The following CCBE1 variants were observed in gnomAD, a reference collection of about 807,000 sequenced individuals.
CCBE1 encodes collagen and calcium binding EGF domains 1, also known as collagen and calcium-binding EGF domain-containing protein 1.
In CCBE1, 37 loss-of-function variants were observed where a neutral mutation model predicts 50.0. That is an observed-to-expected ratio of 0.74 (90% confidence interval 0.57 to 0.97). The LOEUF is 0.97. Among genes scored for constraint, CCBE1 ranks in the 50% least tolerant of loss-of-function variants. The pLI is 0.00. For synonymous variants in CCBE1, 234 were observed against 203.7 expected (o/e 1.15, Z -1.27); for missense variants, 538 against 523.8 (o/e 1.03, Z -0.26).
At chr18:59,485,278 G>C (rs142824950) in intron 2 of CCBE1, among the ~76,000 whole-genome samples, 1 of 152,228 alleles carries the variant, frequency 6.6e-6, no homozygotes, top group East Asian at 1.9e-4. Context: ...ATAAATAAAA[G>C]TCGTGCAGGC....
intron 2 of CCBE1, among the ~76,000 whole-genome samples, chr18:59,611,210 A>G (rs2053564574): frequency 6.6e-6 from 1 of 152,236 alleles, no homozygotes; most frequent in African/African-American, 2.4e-5. Flanking sequence ...TAATTTATTA[A>G]GTATCACTCA....
In CCBE1 at chr18:59,439,593, G is replaced by A; in HGVS notation, c.916-15C>T. The A allele has an allele frequency of 1.2e-6, 2 of 1,614,234 alleles. No homozygotes were observed. Among genetic ancestry groups the A allele is most frequent in the Non-Finnish European group, 1.7e-6 (2 of 1,180,042 alleles). On this transcript the variant is annotated splice_polypyrimidine_tract_variant and intron_variant, in intron 8 of 10. Transcript: ENST00000439986. ...CCTGGTGGACCCTGTAATACAAAAG[G>A]ATCTGGTTTAACCACAGGCAAAAGC...
chr18:59,543,972 AAC>A (rs2144392153), intron 2 of CCBE1, among the ~76,000 whole-genome samples: 1 of 152,306 alleles, frequency 6.6e-6, no homozygotes, highest in South Asian at 2.1e-4. Context: ...TCAAATTTCA[AAC>A]ACACGTATTC....
chr18:59,455,222 T>C (rs1012219334), intron 5 of CCBE1: 7 of 533,664 alleles, frequency 1.3e-5, no homozygotes, highest in African/African-American at 5.7e-5. Context: ...CTTCCTTTCA[T>C]GTGTGAAAAT....
chr18:59,509,067 G>A (rs933543910), intron 2 of CCBE1, among the ~76,000 whole-genome samples: 35 of 152,086 alleles, frequency 2.3e-4, no homozygotes, highest in Non-Finnish European at 4.0e-4. Flanking sequence ...TGCTGGTTCT[G>A]AGAGCAAGCA....
At chr18:59,520,015 C>G (rs1914532816) in intron 2 of CCBE1, among the ~76,000 whole-genome samples, 1 of 152,176 alleles carries the variant, frequency 6.6e-6, no homozygotes, top group South Asian at 2.1e-4. Context: ...GGCCTCTGCT[C>G]TGTTCCATTT....
At chr18:59,480,513 T>C (rs1031295277) in intron 2 of CCBE1, among the ~76,000 whole-genome samples, 4 of 152,288 alleles carry the variant, frequency 2.6e-5, no homozygotes, top group African/African-American at 9.6e-5. Context: ...GACTTCAAGA[T>C]ACTTATATTA....
At chr18:59,508,050 C>T (rs1259486694) in intron 2 of CCBE1, among the ~76,000 whole-genome samples, 2 of 151,982 alleles carry the variant, frequency 1.3e-5, no homozygotes, top group South Asian at 2.1e-4. Flanking sequence ...AAGCACCACA[C>T]CCAGCTAAAT....
chr18:59,531,623 C>G (rs1489815422), intron 2 of CCBE1, among the ~76,000 whole-genome samples: 2 of 152,102 alleles, frequency 1.3e-5, no homozygotes, highest in African/African-American at 2.4e-5. Flanking sequence ...AGGTACATGT[C>G]TTTCGTCCCA....
At chr18:59,527,918 CT>C (rs1914893261) in intron 2 of CCBE1, among the ~76,000 whole-genome samples, 1 of 152,058 alleles carries the variant, frequency 6.6e-6, no homozygotes, top group Admixed American at 6.5e-5. Context: ...CATTTTTTTC[CT>C]GCATTTCAAC....
chr18:59,437,336 G>C (rs1451673066), intron 10 of CCBE1, among the ~76,000 whole-genome samples: 1 of 152,204 alleles, frequency 6.6e-6, no homozygotes, highest in African/African-American at 2.4e-5. Flanking sequence ...AAAGCACTAA[G>C]AGAGGCACAG....
intron 2 of CCBE1, among the ~76,000 whole-genome samples, chr18:59,629,017 T>C (rs927938094): frequency 1.1e-4 from 16 of 152,132 alleles, no homozygotes; most frequent in African/African-American, 2.2e-4. Flanking sequence ...TTATACCCTT[T>C]TCCCCTAGGA....
intron 2 of CCBE1, among the ~76,000 whole-genome samples, chr18:59,567,413 C>A (rs1298932126): frequency 1.3e-5 from 2 of 152,160 alleles, no homozygotes; most frequent in Non-Finnish European, 2.9e-5. Context: ...GGATTACAGG[C>A]GTGAGCCACT....
chr18:59,522,683 C>T (rs1406372284), intron 2 of CCBE1, among the ~76,000 whole-genome samples: 1 of 152,170 alleles, frequency 6.6e-6, no homozygotes, highest in South Asian at 2.1e-4. Flanking sequence ...ACAGTAGCCC[C>T]AGCTGGGAAT....
At chr18:59,503,424 C>T (rs1260413691) in intron 2 of CCBE1, among the ~76,000 whole-genome samples, 1 of 152,214 alleles carries the variant, frequency 6.6e-6, no homozygotes, top group Non-Finnish European at 1.5e-5. Flanking sequence ...GGCCTGGTCA[C>T]ACAACCTGTA....
intron 2 of CCBE1, among the ~76,000 whole-genome samples, chr18:59,648,092 T>A (rs1278299499): frequency 1.3e-5 from 2 of 152,148 alleles, no homozygotes; most frequent in African/African-American, 2.4e-5. Flanking sequence ...ATGGAAAAAA[T>A]TCCAGGTTGC....
chr18:59,696,408 CAG>C, intron 2 of CCBE1: 2 of 1,223,798 alleles, frequency 1.6e-6, no homozygotes, highest in Non-Finnish European at 2.2e-6. Flanking sequence ...CTCAGGATCT[CAG>C]GGCACACACC....
intron 2 of CCBE1, among the ~76,000 whole-genome samples, chr18:59,601,265 G>T (rs968414924): frequency 4.6e-5 from 7 of 151,800 alleles, no homozygotes; most frequent in African/African-American, 1.5e-4. Flanking sequence ...ATCTCATCTT[G>T]AATTGTAGCT....
chr18:59,532,849 C>T (rs1350077155), intron 2 of CCBE1, among the ~76,000 whole-genome samples: 1 of 152,070 alleles, frequency 6.6e-6, no homozygotes, highest in Non-Finnish European at 1.5e-5. Context: ...GTTCTGGAGG[C>T]TATCTAGGCC....
Sources: allele counts gnomAD v4.1 joint callset (sites outside exome capture counted in the v4.1 genomes callset), GRCh38; gene constraint gnomAD v4.1.1; transcripts MANE v1.5; gene names NCBI Gene and HGNC (gene_info 2026-07-23, HGNC 2026-07-21).